The following KCNMA1 variants were observed in gnomAD, a reference collection of about 807,000 sequenced individuals.
KCNMA1 encodes potassium calcium-activated channel subfamily M alpha 1.
In KCNMA1, 29 loss-of-function variants were observed where a neutral mutation model predicts 140.0. That is an observed-to-expected ratio of 0.21 (90% confidence interval 0.15 to 0.28). KCNMA1 has a LOEUF of 0.28. KCNMA1 is among the 10% of genes least tolerant of loss of function. The pLI is 1.00. For missense variants in KCNMA1, 880 were observed against 1,602.2 expected (o/e 0.55, Z 7.70); for synonymous variants, 612 against 611.9 (o/e 1.00, Z 0.00).
intron 23 of KCNMA1, among the ~76,000 whole-genome samples, chr10:76,937,085 G>A (rs576881873): frequency 6.6e-5 from 10 of 152,292 alleles, no homozygotes; most frequent in African/African-American, 9.6e-5. Flanking sequence ...CACAAAGAGC[G>A]TGTCAGTAAC....
At chr10:77,074,081 T>C (rs1475886315) in intron 13 of KCNMA1, among the ~76,000 whole-genome samples, 1 of 152,088 alleles carries the variant, frequency 6.6e-6, no homozygotes, top group Non-Finnish European at 1.5e-5. Context: ...ACTAAAAAGA[T>C]TTACAAGGCT....
intron 2 of KCNMA1, among the ~76,000 whole-genome samples, chr10:77,353,051 T>A (rs946779535): frequency 6.6e-6 from 1 of 152,208 alleles, no homozygotes. Context: ...TCCAGCCCCT[T>A]GTATTTTTCA....
At chr10:77,417,773 A>G (rs1196603189) in intron 1 of KCNMA1, among the ~76,000 whole-genome samples, 6 of 152,164 alleles carry the variant, frequency 3.9e-5, no homozygotes, top group African/African-American at 1.4e-4. Flanking sequence ...GCTTCGGGTC[A>G]AAAGAGCTGT....
intron 14 of KCNMA1, among the ~76,000 whole-genome samples, chr10:77,044,139 C>G (rs2094901536): frequency 6.6e-6 from 1 of 152,144 alleles, no homozygotes; most frequent in South Asian, 2.1e-4. Context: ...TCACATCAGA[C>G]AAGTCAGGAG....
At position 77,314,847 on chromosome 10, in the gene KCNMA1, T is replaced by C. The variant is rs543090946; in HGVS notation, c.541-63591A>G. Among the ~76,000 whole-genome samples the C allele has an allele frequency of 6.6e-5, 10 of 152,080 alleles. No individual in the cohort carries two copies. In the East Asian group the frequency reaches 1.9e-3, roughly 30 times the overall value. The stretch of plus-strand genomic sequence containing the variant: ...TAAACAGCTTGAACTAATAGTATTT[T>C]TCAAATGTTTTTGACCACAACCCTC... On this transcript the variant is annotated intron_variant, in intron 2 of 27. Coordinates refer to ENST00000286628, the MANE Select transcript of KCNMA1 (RefSeq NM_001161352.2).
intron 6 of KCNMA1, among the ~76,000 whole-genome samples, chr10:77,118,190 C>T (rs1410446176): frequency 6.6e-6 from 1 of 152,196 alleles, no homozygotes; most frequent in African/African-American, 2.4e-5. Flanking sequence ...TTACATGGGT[C>T]CCCCAACCCA....
intron 1 of KCNMA1, among the ~76,000 whole-genome samples, chr10:77,471,196 T>C (rs1411829916): frequency 2.5e-5 from 3 of 121,204 alleles, no homozygotes; most frequent in South Asian, 2.8e-4. Flanking sequence ...ACACCACACA[T>C]GCAACACACA....
At chr10:76,989,578 T>A (rs575931395) in intron 19 of KCNMA1, among the ~76,000 whole-genome samples, 1 of 152,236 alleles carries the variant, frequency 6.6e-6, no homozygotes, top group African/African-American at 2.4e-5. Context: ...TACTGGATAG[T>A]CAAGATGGAA....
intron 19 of KCNMA1, chr10:76,973,115 A>G (rs530260553): frequency 2.0e-5 from 3 of 152,348 alleles, no homozygotes; most frequent in African/African-American, 4.8e-5. Context: ...ACAAGCTCTT[A>G]TTTAACCTAC....
At chr10:77,308,249 G>C (rs2078310174) in intron 2 of KCNMA1, among the ~76,000 whole-genome samples, 1 of 152,166 alleles carries the variant, frequency 6.6e-6, no homozygotes, top group South Asian at 2.1e-4. Context: ...TCACTCCCCA[G>C]GTGCCCAGAG....
At chr10:77,522,881 T>C (rs1004348487) in intron 1 of KCNMA1, among the ~76,000 whole-genome samples, 1 of 152,214 alleles carries the variant, frequency 6.6e-6, no homozygotes, top group Non-Finnish European at 1.5e-5. Flanking sequence ...GTAAGCTTCA[T>C]ACATTAAATA....
intron 2 of KCNMA1, among the ~76,000 whole-genome samples, chr10:77,402,564 C>T (rs2096306667): frequency 6.6e-6 from 1 of 152,286 alleles, no homozygotes; most frequent in Non-Finnish European, 1.5e-5. Flanking sequence ...GTGGCCAGCA[C>T]CTTTGATTAC....
chr10:76,946,722 T>G (rs1275685044), intron 22 of KCNMA1, among the ~76,000 whole-genome samples: 10 of 152,234 alleles, frequency 6.6e-5, no homozygotes. Context: ...TTCAATTGCC[T>G]GCATCCATAT....
At chr10:77,601,188 G>T (rs2082523092) in intron 1 of KCNMA1, among the ~76,000 whole-genome samples, 1 of 152,156 alleles carries the variant, frequency 6.6e-6, no homozygotes, top group African/African-American at 2.4e-5. Flanking sequence ...AAGAGGCAGG[G>T]TCTCGGCAGA....
At chr10:76,889,430 A>T in intron 27 of KCNMA1, 21 bp downstream of exon 27, 1 of 1,478,538 alleles carries the variant, frequency 6.8e-7, no homozygotes, top group Non-Finnish European at 9.5e-7. Context: ...GTGGGAGGGC[A>T]GAGTTGAAAC....
At chr10:76,884,730 G>A (rs1467837167), downstream of KCNMA1, 46 of 472,796 alleles carry the variant, frequency 9.7e-5, no homozygotes, top group Middle Eastern at 5.4e-4. Context: ...GCCTCATTGC[G>A]CTGAGCAATT....
At chr10:77,391,824 C>T (rs1488658451) in intron 2 of KCNMA1, among the ~76,000 whole-genome samples, 1 of 151,826 alleles carries the variant, frequency 6.6e-6, no homozygotes, top group African/African-American at 2.4e-5. Flanking sequence ...ACTTTCCAAG[C>T]ATGCACTCCC....
intron 23 of KCNMA1, among the ~76,000 whole-genome samples, chr10:76,918,068 C>A (rs1405209507): frequency 6.6e-6 from 1 of 152,192 alleles, no homozygotes; most frequent in Non-Finnish European, 1.5e-5. Context: ...TGCTCTCCTT[C>A]CCATTATTGC....
At chr10:77,632,738 T>G (rs948651385) in intron 1 of KCNMA1, among the ~76,000 whole-genome samples, 8 of 152,222 alleles carry the variant, frequency 5.3e-5, no homozygotes, top group Admixed American at 2.6e-4. Context: ...ATAAGTTCAA[T>G]GAATCAAAGG....
Sources: gnomAD v4.1 joint callset for allele counts (sites outside exome capture counted in the v4.1 genomes callset) on GRCh38, gnomAD v4.1.1 for gene constraint, MANE v1.5 for transcripts, NCBI Gene and HGNC (gene_info 2026-07-23, HGNC 2026-07-21) for gene names.